AOPEP: variants seen among roughly 807,000 people sequenced by gnomAD.
AOPEP encodes aminopeptidase O.
In AOPEP, 77 loss-of-function variants were observed where a neutral mutation model predicts 98.1. The observed-to-expected ratio is 0.78, with a 90% CI of 0.65 to 0.95. The LOEUF (loss-of-function observed/expected upper bound fraction) is 0.95. Among genes scored for constraint, AOPEP ranks in the 40% least tolerant of loss-of-function variants. AOPEP has a pLI of 0.00. For missense variants in AOPEP, 1,024 were observed against 1,024.7 expected, an observed-to-expected ratio of 1.00 and a Z score of 0.01; for synonymous variants, 346 against 365.3, an observed-to-expected ratio of 0.95 and a Z score of 0.60.
intron 7 of AOPEP, among the ~76,000 whole-genome samples, chr9:94,946,526 C>A (rs1005581948): frequency 6.6e-6 from 1 of 152,138 alleles, no homozygotes; most frequent in Non-Finnish European, 1.5e-5. Context: ...CAGCAGATTT[C>A]CTGTAGGAAG....
chr9:95,085,671 A>C (rs1173673421), intron 16 of AOPEP: 2 of 357,846 alleles, frequency 5.6e-6, no homozygotes, highest in Non-Finnish European at 1.1e-5. Context: ...CCAAGGATGC[A>C]CTGTCTCCTG....
At position 94,760,565 on chromosome 9, in the gene AOPEP, C is replaced by T. The variant is rs1322571292; in HGVS notation, c.782C>T (p.Ser261Leu). The part of the protein sequence containing the change: ...KPEGRSVTWT[S>L]DQSGRPCVYT... ...GAAGGGCGATCGGTTACATGGACCT[C>T]AGACCAGAGTGGCAGGTAGGTTATC... The change falls in exon 2 of 17, where the codon TCA (serine) becomes TTA (leucine). Residue 261 changes from serine to leucine, a missense_variant. This residue lies in a region of AOPEP where 440 missense variants were observed against 433.8 expected (regional missense o/e 1.01). Coordinates refer to ENST00000375315, the MANE Select transcript of AOPEP (RefSeq NM_001193329.3). The T allele has an allele frequency of 5.8e-6, 9 of 1,543,976 alleles. No individual in the cohort carries two copies. The African/African-American group carries it at 8.3e-5, about 14-fold the overall frequency.
At chr9:94,794,105 C>CT (rs1846375478) in intron 4 of AOPEP, among the ~76,000 whole-genome samples, 1 of 152,182 alleles carries the variant, frequency 6.6e-6, no homozygotes. Context: ...GTAGTGATTT[C>CT]TTTCTTTTTT....
chr9:95,126,667 G>T, the AOPEP span: 1 of 1,378,882 alleles, frequency 7.3e-7, no homozygotes. Context: ...GAGTTACTGG[G>T]AACTGCTGAT....
intron 1 of AOPEP, among the ~76,000 whole-genome samples, chr9:94,745,900 G>A (rs1319779639): frequency 6.6e-6 from 1 of 152,162 alleles, no homozygotes; most frequent in Admixed American, 6.5e-5. Context: ...TGGGATTGAT[G>A]GAACATACGG....
At chr9:95,143,807 C>T in the AOPEP span, among the ~76,000 whole-genome samples, 1 of 152,170 alleles carries the variant, frequency 6.6e-6, no homozygotes, top group African/African-American at 2.4e-5. Flanking sequence ...GGTTTTATGC[C>T]GTCTTTAGCC....
At chr9:94,896,083 G>A (rs1317903924) in intron 5 of AOPEP, among the ~76,000 whole-genome samples, 3 of 152,124 alleles carry the variant, frequency 2.0e-5, no homozygotes, top group Non-Finnish European at 4.4e-5. Flanking sequence ...TTGAAAGGAG[G>A]CAGCAAAATT....
chr9:95,149,121 C>CA, the AOPEP span, among the ~76,000 whole-genome samples: 6 of 151,912 alleles, frequency 3.9e-5, no homozygotes, highest in South Asian at 4.2e-4. Context: ...TAAAAATAAG[C>CA]TATTTGTGTT....
chr9:94,813,314 G>A (rs1190770327), intron 5 of AOPEP, among the ~76,000 whole-genome samples: 2 of 152,166 alleles, frequency 1.3e-5, no homozygotes, highest in African/African-American at 4.8e-5. Flanking sequence ...TAAAGATCTT[G>A]GTTGCTTTGA....
At chr9:95,055,158 A>C (rs1406434551) in intron 13 of AOPEP, among the ~76,000 whole-genome samples, 1 of 152,218 alleles carries the variant, frequency 6.6e-6, no homozygotes, top group Non-Finnish European at 1.5e-5. Flanking sequence ...CCTAGTAGGC[A>C]GGCTCTTGGG....
In AOPEP at chr9:94,950,884, T is replaced by A. The variant is rs1366705603; in HGVS notation, c.1662-4293T>A. On this transcript the variant is annotated intron_variant, in intron 7 of 16. Coordinates refer to ENST00000375315, the MANE Select transcript of AOPEP (RefSeq NM_001193329.3). ...ATGCCAGAGGACAGTTCAGAGGCAT[T>A]TTCTCAAATCCCACCCTTGGGGTTA... Among the ~76,000 whole-genome samples the A allele has an allele frequency of 3.3e-5, 5 of 152,316 alleles. No homozygotes were observed. In the East Asian group the frequency reaches 9.7e-4, roughly 29 times the overall value.
intron 15 of AOPEP, among the ~76,000 whole-genome samples, chr9:95,081,740 G>T (rs1037440294): frequency 6.6e-6 from 1 of 152,192 alleles, no homozygotes; most frequent in Admixed American, 6.5e-5. Flanking sequence ...ATTTAGAATT[G>T]TGATCTTTGA....
At chr9:95,085,124 G>C in intron 16 of AOPEP, 1 of 406,578 alleles carries the variant, frequency 2.5e-6, no homozygotes. Flanking sequence ...CTGTTTGCTA[G>C]CATAACAGGC....
chr9:94,792,657 C>T, intron 3 of AOPEP, 108 bp from the exon 4 acceptor site: 1 of 1,111,020 alleles, frequency 9.0e-7, no homozygotes, highest in Non-Finnish European at 1.2e-6. Context: ...AGAGTTGGCT[C>T]TTACCAGCTT....
intron 2 of AOPEP, among the ~76,000 whole-genome samples, chr9:94,765,865 AC>A (rs2132629689): frequency 6.6e-6 from 1 of 152,308 alleles, no homozygotes; most frequent in South Asian, 2.1e-4. Context: ...CAGTTGTTGA[AC>A]CTAAATGCTT....
intron 1 of AOPEP, among the ~76,000 whole-genome samples, chr9:94,729,188 A>G (rs1456823327): frequency 2.0e-5 from 3 of 152,222 alleles, no homozygotes; most frequent in Non-Finnish European, 4.4e-5. Context: ...GTTTGGTTTT[A>G]TAAAAGTTCT....
Position 94,924,136 on chromosome 9 carries a change from CACTCACTTGGA to C in AOPEP, c.1516_1526del (p.Thr506GlyfsTer14), listed in dbSNP as rs1277945242. On this transcript the variant is annotated frameshift_variant, in exon 6 of 17. Transcript: ENST00000375315. LOFTEE classifies it high-confidence loss of function. The stretch of plus-strand genomic sequence containing the variant: ...AGGAGTGGCTGAGTGAAGGCTTCGC[CACTCACTTGGA>C]GGATGTGTTTTGGGCCACAGCACAG... The C allele has an allele frequency of 2.1e-5, 31 of 1,486,372 alleles. No individual in the cohort carries two copies. Among genetic ancestry groups the C allele is most frequent in the Admixed American group, 4.7e-5 (2 of 42,922 alleles). The allele number at this position is 1,486,372 out of a possible 1,614,324, so 92.1% of individuals were successfully genotyped here.
chr9:94,796,162 C>T (rs1011380208), intron 4 of AOPEP, among the ~76,000 whole-genome samples: 1 of 152,120 alleles, frequency 6.6e-6, no homozygotes, highest in African/African-American at 2.4e-5. Flanking sequence ...GGGAGAGGTC[C>T]GGGTGCCACT....
chr9:95,107,393 A>C, the AOPEP span: 3 of 1,041,302 alleles, frequency 2.9e-6, no homozygotes. Flanking sequence ...TGAGAGAGGG[A>C]GCTAGGCAGC....
Sources: gnomAD v4.1 joint callset for allele counts (sites outside exome capture counted in the v4.1 genomes callset) on GRCh38, gnomAD v4.1.1 for gene constraint, gnomAD v4.1.1 regional missense constraint, MANE v1.5 for transcripts, NCBI Gene and HGNC (gene_info 2026-07-23, HGNC 2026-07-21) for gene names.